Variants in ABTB2 observed in about 807,000 individuals in gnomAD.
The protein encoded by ABTB2 is ankyrin repeat and BTB/POZ domain-containing protein 2.
Under a neutral mutation model 104.1 loss-of-function variants are expected in ABTB2, and 56 were observed. The ratio of observed to expected loss-of-function variants is 0.54; its 90% confidence interval spans 0.43 to 0.67. ABTB2 has a LOEUF of 0.67. ABTB2 is among the 30% of genes least tolerant of loss of function. The probability of loss-of-function intolerance (pLI) is 0.00; values close to 1 mark genes in which losing one functional copy is unlikely to be tolerated. For synonymous variants in ABTB2, 606 were observed against 608.2 expected (o/e 1.00, Z 0.05); for missense variants, 1,279 against 1,407.7 (o/e 0.91, Z 1.46).
intron 1 of ABTB2, among the ~76,000 whole-genome samples, chr11:34,311,860 G>A (rs940971912): frequency 6.6e-6 from 1 of 152,228 alleles, no homozygotes; most frequent in African/African-American, 2.4e-5. Context: ...GCCAATGGGG[G>A]CCGGGCATGG....
rs150784144 is a variant in ABTB2 at position 34,330,815 on chromosome 11, C to T, written c.883+25886G>A. 2.1e-3 allele frequency among the ~76,000 whole-genome samples: 316 copies of T among 152,342 alleles called. 2 individuals are homozygous for T. The highest frequency in any genetic ancestry group is 7.0e-3 in the African/African-American group (292 of 41,570). On this transcript the variant is annotated intron_variant, in intron 1 of 16. Transcript: ENST00000435224. ...TATCAATAGTGACCTGTTAAATGTT[C>T]CTCTGGAGGCCTGGAACTGTTCCCA...
chr11:34,294,993 C>T (rs1854603864), intron 1 of ABTB2, among the ~76,000 whole-genome samples: 1 of 151,922 alleles, frequency 6.6e-6, no homozygotes, highest in Non-Finnish European at 1.5e-5. Flanking sequence ...GGATTACAGG[C>T]ATGAGCCACC....
Position 34,160,242 on chromosome 11 carries a change from C to A in ABTB2, c.2503+6G>T, listed in dbSNP as rs766855827. 8.1e-6 allele frequency: 13 copies of A among 1,611,034 alleles called. No homozygotes were observed. Among genetic ancestry groups the A allele is most frequent in the Admixed American group, 6.7e-5 (4 of 59,996 alleles). The stretch of plus-strand genomic sequence containing the variant: ...GTGATGCAGGGCGCAGGGGGCGCGC[C>A]TTCACCTAGCCTGGCCGGCAGGGTC... On this transcript the variant is annotated splice_donor_region_variant and intron_variant, in intron 12 of 16. Coordinates refer to ENST00000435224, the MANE Select transcript of ABTB2 (RefSeq NM_145804.3).
intron 1 of ABTB2, among the ~76,000 whole-genome samples, chr11:34,248,982 T>C (rs1473412579): frequency 9.2e-5 from 14 of 151,884 alleles, no homozygotes; most frequent in Non-Finnish European, 1.5e-5. Flanking sequence ...AATACAAAAT[T>C]AGCCGGGCGT....
chr11:34,202,075 T>A (rs1341214440), intron 2 of ABTB2, among the ~76,000 whole-genome samples: 1 of 152,188 alleles, frequency 6.6e-6, no homozygotes, highest in African/African-American at 2.4e-5. Flanking sequence ...AAGTTTCCAA[T>A]CTCAGGAAGC....
At chr11:34,270,128 C>T (rs1854296362) in intron 1 of ABTB2, among the ~76,000 whole-genome samples, 1 of 152,128 alleles carries the variant, frequency 6.6e-6, no homozygotes. Flanking sequence ...ATGTAGTTCC[C>T]CCAATGGCTC....
At chr11:34,274,582 CGT>C (rs1157057063) in intron 1 of ABTB2, among the ~76,000 whole-genome samples, 1 of 151,030 alleles carries the variant, frequency 6.6e-6, no homozygotes, top group South Asian at 2.1e-4. Context: ...CACACACACG[CGT>C]GTGTGTGTAT....
chr11:34,279,190 C>T (rs1854421022), intron 1 of ABTB2, among the ~76,000 whole-genome samples: 1 of 152,206 alleles, frequency 6.6e-6, no homozygotes, highest in African/African-American at 2.4e-5. Context: ...TACTAAGGTG[C>T]TATTTATTCA....
At chr11:34,250,126 G>A (rs999039727) in intron 1 of ABTB2, among the ~76,000 whole-genome samples, 1 of 152,186 alleles carries the variant, frequency 6.6e-6, no homozygotes, top group Non-Finnish European at 1.5e-5. Context: ...AAAGAACAGG[G>A]GTCTTGGAGA....
intron 1 of ABTB2, among the ~76,000 whole-genome samples, chr11:34,233,205 C>A (rs2475163): frequency 0.1 from 6,220 of 60,154 alleles, 265 homozygotes; most frequent in East Asian, 0.27. Context: ...GGGCTTGGTG[C>A]ATGAGGATTT....
At chr11:34,333,772 A>C (rs1757541255) in intron 1 of ABTB2, among the ~76,000 whole-genome samples, 1 of 152,154 alleles carries the variant, frequency 6.6e-6, no homozygotes, top group Non-Finnish European at 1.5e-5. Flanking sequence ...AAAATATAAT[A>C]AAATAAAGGA....
intron 1 of ABTB2, among the ~76,000 whole-genome samples, chr11:34,224,963 A>G (rs1853668948): frequency 6.6e-6 from 1 of 152,230 alleles, no homozygotes; most frequent in East Asian, 1.9e-4. Flanking sequence ...TTCCAAGAAC[A>G]TGGTAGGTGC....
chr11:34,155,702 C>G (rs893180452), intron 14 of ABTB2, among the ~76,000 whole-genome samples: 1 of 152,204 alleles, frequency 6.6e-6, no homozygotes, highest in Admixed American at 6.5e-5. Flanking sequence ...GGCCTGCCAG[C>G]CTTGTTCAGG....
At chr11:34,245,646 T>C (rs1056836153) in intron 1 of ABTB2, among the ~76,000 whole-genome samples, 1 of 152,190 alleles carries the variant, frequency 6.6e-6, no homozygotes, top group African/African-American at 2.4e-5. Context: ...AGCTGGTGTC[T>C]GGGTGGCTCA....
intron 1 of ABTB2, among the ~76,000 whole-genome samples, chr11:34,262,599 C>T (rs532992310): frequency 3.9e-5 from 6 of 152,300 alleles, no homozygotes; most frequent in African/African-American, 1.4e-4. Context: ...CAATCTTTCC[C>T]CAGTGGATTT....
chr11:34,164,564 G>T, intron 9 of ABTB2, 122 bp downstream of exon 9: 1 of 1,192,828 alleles, frequency 8.4e-7, no homozygotes, highest in Non-Finnish European at 1.1e-6. Flanking sequence ...TAGCACACAG[G>T]CCCCCTGTTT....
chr11:34,299,099 A>T (rs1854664776), intron 1 of ABTB2, among the ~76,000 whole-genome samples: 2 of 152,350 alleles, frequency 1.3e-5, no homozygotes, highest in South Asian at 2.1e-4. Context: ...TTCCCACTAC[A>T]GGGAACGGAT....
intron 1 of ABTB2, among the ~76,000 whole-genome samples, chr11:34,326,809 C>A (rs1038364339): frequency 2.6e-5 from 4 of 152,092 alleles, no homozygotes; most frequent in African/African-American, 7.2e-5. Context: ...TTGTCTCATG[C>A]CTATAATCCC....
chr11:34,347,853 G>A lies in ABTB2; in HGVS notation c.883+8848C>T, dbSNP rs1361157196. 2.6e-5 allele frequency among the ~76,000 whole-genome samples: 4 copies of A among 152,098 alleles called. 1 individual carries two copies. The highest frequency in any genetic ancestry group is 4.2e-4 in the South Asian group (2 of 4,808). ...AATAATAAACCCTAAACTGGAAGTCGAATATCGTATACATCAGTCGGACTT... is the reference window on the plus strand; with the variant it reads ...AATAATAAACCCTAAACTGGAAGTCAAATATCGTATACATCAGTCGGACTT... On this transcript the variant is annotated intron_variant, in intron 1 of 16. Transcript: ENST00000435224.
Sources: allele counts gnomAD v4.1 joint callset (sites outside exome capture counted in the v4.1 genomes callset), GRCh38; gene constraint gnomAD v4.1.1; transcripts MANE v1.5; gene names NCBI Gene and HGNC (gene_info 2026-07-23, HGNC 2026-07-21).